Variants in MACROD2 observed in about 807,000 individuals in gnomAD.
MACROD2 encodes mono-ADP ribosylhydrolase 2.
MACROD2 carries 36 observed loss-of-function variants against 70.4 expected under a neutral mutation model. That is an observed-to-expected ratio of 0.51 (90% CI 0.39 to 0.68). The LOEUF is 0.68. Among genes scored for constraint, MACROD2 ranks in the 30% least tolerant of loss-of-function variants. MACROD2 has a pLI of 0.00. For synonymous variants in MACROD2, 172 were observed against 178.8 expected, an observed-to-expected ratio of 0.96 and a Z score of 0.30; for missense variants, 496 against 538.4, an observed-to-expected ratio of 0.92 and a Z score of 0.78.
intron 3 of MACROD2, among the ~76,000 whole-genome samples, chr20:14,386,083 A>ATAT (rs1181293058): frequency 6.6e-6 from 1 of 152,222 alleles, no homozygotes; most frequent in African/African-American, 2.4e-5. Context: ...TTAATGCCAT[A>ATAT]TATTATTTAG....
intron 3 of MACROD2, among the ~76,000 whole-genome samples, chr20:14,352,761 A>T (rs139051133): frequency 6.6e-6 from 1 of 151,810 alleles, no homozygotes; most frequent in Non-Finnish European, 1.5e-5. Context: ...CTTTTTGGCT[A>T]AACTTTTTCT....
At chr20:15,658,584 A>G (rs2049769011) in intron 8 of MACROD2, among the ~76,000 whole-genome samples, 2 of 152,190 alleles carry the variant, frequency 1.3e-5, no homozygotes, top group African/African-American at 4.8e-5. Flanking sequence ...TGACCCATAG[A>G]CAGACCAGTG....
intron 2 of MACROD2, among the ~76,000 whole-genome samples, chr20:14,022,508 A>G (rs2053100307): frequency 6.6e-6 from 1 of 150,524 alleles, no homozygotes; most frequent in Non-Finnish European, 1.5e-5. Context: ...GTTTTGTTAC[A>G]GAGGTATACA....
intron 8 of MACROD2, among the ~76,000 whole-genome samples, chr20:15,519,904 C>A (rs1277357085): frequency 6.6e-6 from 1 of 152,176 alleles, no homozygotes; most frequent in African/African-American, 2.4e-5. Flanking sequence ...TAATCTGAAC[C>A]TCTATAGCTG....
intron 5 of MACROD2, among the ~76,000 whole-genome samples, chr20:14,938,817 CA>C (rs1161942524): frequency 1.3e-5 from 2 of 151,842 alleles, no homozygotes; most frequent in African/African-American, 4.8e-5. Context: ...AATTTGTGGT[CA>C]GGGAGAGAGA....
rs80021355 is a variant in MACROD2, at chr20:15,392,642, T to C, written c.541-38763T>C. Reference sequence around the variant, plus strand: ...TAATTTTTTGGAAGTTCCTAACTTCTGTTTTGAGGATTGGTGCTTTCCTTC... The same window carrying C: ...TAATTTTTTGGAAGTTCCTAACTTCCGTTTTGAGGATTGGTGCTTTCCTTC... On this transcript the variant is annotated intron_variant, in intron 6 of 17. Coordinates refer to ENST00000684519, the MANE Select transcript of MACROD2 (RefSeq NM_001351661.2). 9.5e-3 allele frequency among the ~76,000 whole-genome samples: 1,447 copies of C among 152,260 alleles called. 35 individuals are homozygous for C. The highest frequency in any genetic ancestry group is 0.033 in the African/African-American group (1,382 of 41,550).
intron 3 of MACROD2, among the ~76,000 whole-genome samples, chr20:14,302,296 C>T (rs1303921721): frequency 6.6e-6 from 1 of 152,126 alleles, no homozygotes; most frequent in Admixed American, 6.5e-5. Context: ...AGCAGAGAGC[C>T]GCCTTTAGCG....
At chr20:15,770,487 C>CT (rs1230440109) in intron 8 of MACROD2, among the ~76,000 whole-genome samples, 1 of 152,052 alleles carries the variant, frequency 6.6e-6, no homozygotes, top group African/African-American at 2.4e-5. Context: ...ATCTCTGACT[C>CT]TATTACAGCT....
At chr20:16,026,574 A>T (rs1050231231) in intron 15 of MACROD2, among the ~76,000 whole-genome samples, 1 of 152,132 alleles carries the variant, frequency 6.6e-6, no homozygotes, top group Non-Finnish European at 1.5e-5. Context: ...GTCACTAGTG[A>T]TGGGGTGGAA....
intron 2 of MACROD2, among the ~76,000 whole-genome samples, chr20:14,081,139 T>C (rs1229799182): frequency 6.6e-6 from 1 of 152,238 alleles, no homozygotes; most frequent in East Asian, 1.9e-4. Flanking sequence ...CAGATCACTC[T>C]TGATACTTGG....
At chr20:16,003,795 T>A (rs563253997) in intron 15 of MACROD2, among the ~76,000 whole-genome samples, 7 of 152,032 alleles carry the variant, frequency 4.6e-5, no homozygotes, top group Non-Finnish European at 8.8e-5. Context: ...CTCAGCCTCC[T>A]GAGTAGCTGG....
intron 8 of MACROD2, among the ~76,000 whole-genome samples, chr20:15,693,104 T>C (rs1352765153): frequency 1.3e-5 from 2 of 152,164 alleles, no homozygotes; most frequent in East Asian, 1.9e-4. Context: ...CCTGCAGAAA[T>C]GTGAGTCCAT....
intron 2 of MACROD2, among the ~76,000 whole-genome samples, chr20:14,052,190 T>C (rs2053576168): frequency 6.6e-6 from 1 of 152,064 alleles, no homozygotes. Context: ...AGAATATTAG[T>C]GTCTTTCTGT....
In MACROD2 at chr20:14,613,842, T is replaced by C. The variant is rs551113157; in HGVS notation, c.302-71001T>C. Among the ~76,000 whole-genome samples, 34 of 152,182 alleles carry C rather than the reference T, an allele frequency of 2.2e-4. No homozygotes were observed. The Middle Eastern group carries it at 0.014, about 61-fold the overall frequency. On this transcript the variant is annotated intron_variant, in intron 4 of 17. Transcript: ENST00000684519. ...CATAAGTTGCAAATTTTTAAACATA[T>C]ATCATTTACTTATCTAGCTCATTTT...
intron 8 of MACROD2, among the ~76,000 whole-genome samples, chr20:15,858,328 ATTCT>A (rs2064381451): frequency 6.6e-6 from 1 of 152,192 alleles, no homozygotes; most frequent in Non-Finnish European, 1.5e-5. Context: ...ATAGCGAGGC[ATTCT>A]TATAGGTTCT....
At chr20:15,863,326 T>C (rs1341453669) in intron 9 of MACROD2, among the ~76,000 whole-genome samples, 1 of 152,174 alleles carries the variant, frequency 6.6e-6, no homozygotes, top group Non-Finnish European at 1.5e-5. Context: ...GCACTTCTAG[T>C]GCAGTCTGAG....
intron 15 of MACROD2, among the ~76,000 whole-genome samples, chr20:16,035,128 AT>A (rs1416123998): frequency 6.3e-3 from 20 of 3,184 alleles, no homozygotes; most frequent in Admixed American, 0.058. Flanking sequence ...AATATAAAAT[AT>A]TATATATTAT....
chr20:14,230,071 T>A (rs1485273058), intron 3 of MACROD2, among the ~76,000 whole-genome samples: 2 of 152,176 alleles, frequency 1.3e-5, no homozygotes, highest in African/African-American at 4.8e-5. Flanking sequence ...TTGCTAATGA[T>A]CATCTGAGTC....
At chr20:16,012,298 T>A (rs1312385215) in intron 15 of MACROD2, among the ~76,000 whole-genome samples, 1 of 152,210 alleles carries the variant, frequency 6.6e-6, no homozygotes, top group South Asian at 2.1e-4. Flanking sequence ...CACCGTGAGG[T>A]AGACTTTCCA....
Sources: gnomAD v4.1 joint callset for allele counts (sites outside exome capture counted in the v4.1 genomes callset) on GRCh38, gnomAD v4.1.1 for gene constraint, MANE v1.5 for transcripts, NCBI Gene and HGNC (gene_info 2026-07-23, HGNC 2026-07-21) for gene names.